The following MANEA variants were observed in gnomAD, a reference collection of about 807,000 sequenced individuals.
MANEA encodes the protein mannosidase endo-alpha.
Under a neutral mutation model 36.8 loss-of-function variants are expected in MANEA, and 25 were observed. That is an observed-to-expected ratio of 0.68 (90% CI 0.50 to 0.95). The LOEUF (loss-of-function observed/expected upper bound fraction) is 0.95, where lower values mean the gene tolerates loss of function less well. Ranked by LOEUF, MANEA falls within the 40% of genes least tolerant of loss-of-function variation. MANEA has a pLI of 0.00. For missense variants in MANEA, 565 were observed against 558.8 expected, an observed-to-expected ratio of 1.01 and a Z score of -0.11; for synonymous variants, 198 against 188.5, an observed-to-expected ratio of 1.05 and a Z score of -0.41.
chr6:95,587,073 A>T lies in MANEA; in HGVS notation c.544+90A>T. The T allele has an allele frequency of 2.7e-6, 2 of 749,738 alleles. 1 individual carries two copies. Among genetic ancestry groups the T allele is most frequent in the South Asian group, 3.5e-5 (2 of 56,720 alleles). 46.4% of individuals were successfully genotyped at this position (749,738 alleles called of 1,614,324 possible). ...TGTAACTTTACTAGTTAATTTTCTC[A>T]TTATTATTAATTATATTGTTAAGCT... On this transcript the variant is annotated intron_variant, in intron 2 of 4. Coordinates refer to ENST00000358812, the MANE Select transcript of MANEA (RefSeq NM_024641.4).
chr6:95,587,868 C>T (rs535305615), intron 2 of MANEA, among the ~76,000 whole-genome samples: 25 of 151,406 alleles, frequency 1.7e-4, no homozygotes, highest in African/African-American at 6.0e-4. Flanking sequence ...TTCTTTTTTT[C>T]CTTCTTTTTC....
chr6:95,581,002 C>T (rs1413581571), intron 1 of MANEA, among the ~76,000 whole-genome samples: 1 of 152,138 alleles, frequency 6.6e-6, no homozygotes, highest in Non-Finnish European at 1.5e-5. Context: ...TACTAAGCCA[C>T]ATGATTTTGA....
At chr6:95,589,554 C>T (rs1266740343) in intron 2 of MANEA, among the ~76,000 whole-genome samples, 2 of 151,950 alleles carry the variant, frequency 1.3e-5, no homozygotes, top group Non-Finnish European at 2.9e-5. Flanking sequence ...TGTTTAAAAT[C>T]CAATTATTAT....
At chr6:95,585,518 T>G (rs1311318870) in intron 1 of MANEA, among the ~76,000 whole-genome samples, 1 of 152,154 alleles carries the variant, frequency 6.6e-6, no homozygotes, top group Non-Finnish European at 1.5e-5. Flanking sequence ...CTCCCCGTGG[T>G]TGTCCAGGCT....
At chr6:95,588,351 C>G (rs1278444454) in intron 2 of MANEA, 1 of 151,964 alleles carries the variant, frequency 6.6e-6, no homozygotes. Flanking sequence ...GAATCTATAT[C>G]AGATATGTGC....
At position 95,609,404 on chromosome 6, in the gene MANEA, T is replaced by G. The variant is rs1433273337; in HGVS notation, c.*2999T>G. ...AATTAAAAATTACTATTTTGTTATA[T>G]GGAATGGTTAATTTTTACCTAATAA... is the stretch of plus-strand genomic sequence containing the variant. On this transcript the variant is annotated 3_prime_UTR_variant, in exon 5 of 5. Transcript: ENST00000358812. The G allele has an allele frequency of 2.0e-5, 3 of 151,740 alleles. No individual in the cohort carries two copies. The highest frequency in any genetic ancestry group is 3.0e-5 in the Non-Finnish European group (2 of 67,678). 9.4% of individuals were successfully genotyped at this position (151,740 alleles called of 1,614,324 possible).
At chr6:95,587,292 A>C in intron 2 of MANEA, 1 of 327,040 alleles carries the variant, frequency 3.1e-6, no homozygotes. Context: ...TTCCCACTTT[A>C]AGTTTATAGC....
chr6:95,597,883 C>A (rs1769509787), intron 3 of MANEA, among the ~76,000 whole-genome samples: 1 of 151,730 alleles, frequency 6.6e-6, no homozygotes, highest in African/African-American at 2.4e-5. Flanking sequence ...GGGGAAAAAA[C>A]AATAGGCAAG....
chr6:95,595,857 G>T (rs1769471485), intron 2 of MANEA, among the ~76,000 whole-genome samples: 2 of 146,900 alleles, frequency 1.4e-5, no homozygotes, highest in South Asian at 4.4e-4. Flanking sequence ...TACTATGTTA[G>T]AATCTTCTGT....
intron 1 of MANEA, among the ~76,000 whole-genome samples, chr6:95,580,881 T>C (rs1027394792): frequency 2.6e-5 from 4 of 152,132 alleles, no homozygotes; most frequent in African/African-American, 7.2e-5. Flanking sequence ...ATTTCAATAG[T>C]TGGTCATATA....
intron 3 of MANEA, among the ~76,000 whole-genome samples, chr6:95,603,945 C>A (rs118150442): frequency 0.025 from 3,833 of 151,698 alleles, 73 homozygotes; most frequent in Middle Eastern, 0.045. Flanking sequence ...GTATAGCCAA[C>A]CTTAAGTTAA....
At chr6:95,588,826 A>C (rs577191813) in intron 2 of MANEA, among the ~76,000 whole-genome samples, 57 of 151,538 alleles carry the variant, frequency 3.8e-4, no homozygotes, top group African/African-American at 1.3e-3. Context: ...GGTAAATATA[A>C]ATTTTAAATA....
In MANEA at chr6:95,607,368, T is replaced by C. The variant is rs184188832; in HGVS notation, c.*963T>C. ...CCAAATATTTTTTAGGAAAGAAAAA[T>C]GTTATTACTGTCATTAGGTTGTCTT... is the stretch of plus-strand genomic sequence containing the variant. On this transcript the variant is annotated 3_prime_UTR_variant, in exon 5 of 5. Transcript: ENST00000358812. 29 of 152,188 alleles carry C rather than the reference T, an allele frequency of 1.9e-4. No individual in the cohort carries two copies. The highest frequency in any genetic ancestry group is 3.9e-4 in the Admixed American group (6 of 15,268). The allele number at this position is 152,188 out of a possible 1,614,324, so 9.4% of individuals were successfully genotyped here.
chr6:95,602,949 A>G (rs1045230905), intron 3 of MANEA, among the ~76,000 whole-genome samples: 3 of 147,174 alleles, frequency 2.0e-5, no homozygotes, highest in Non-Finnish European at 4.5e-5. Context: ...GAACCCGGGA[A>G]GCGGAGCTTG....
At chr6:95,599,237 G>A (rs1389431513) in intron 3 of MANEA, among the ~76,000 whole-genome samples, 6 of 152,070 alleles carry the variant, frequency 3.9e-5, no homozygotes, top group African/African-American at 1.2e-4. Context: ...TTGATAAAGG[G>A]TGTCTCTTAG....
intron 2 of MANEA, among the ~76,000 whole-genome samples, chr6:95,593,153 C>T (rs1444248531): frequency 1.3e-5 from 2 of 152,172 alleles, no homozygotes; most frequent in Non-Finnish European, 2.9e-5. Flanking sequence ...AGACACTTCT[C>T]TGGTTACTAT....
chr6:95,599,990 G>C (rs1769557902), intron 3 of MANEA, among the ~76,000 whole-genome samples: 1 of 152,158 alleles, frequency 6.6e-6, no homozygotes, highest in African/African-American at 2.4e-5. Flanking sequence ...CTGCTTTTCT[G>C]TCCAGGCCCT....
Position 95,586,692 on chromosome 6 carries a change from C to T in MANEA, c.253C>T (p.Pro85Ser). 2.5e-6 allele frequency: 4 copies of T among 1,613,988 alleles called. No homozygotes were observed. Among genetic ancestry groups the T allele is most frequent in the Non-Finnish European group, 3.4e-6 (4 of 1,179,956 alleles). Residue 85 changes from proline (P) to serine (S), a missense_variant, in exon 2 of 5, where the codon CCT becomes TCT. Physicochemically the swap from Pro to Ser is moderately conservative, Grantham distance 74. Transcript: ENST00000358812. ...NLKSVEITMK[P>S]SKASELNLDE... ...AAAAAGTGTTGAAATCACTATGAAA[C>T]CTTCCAAAGCCTCTGAACTTAACTT...
rs772610838 is a variant in MANEA, at chr6:95,606,181, G to A, written c.1165G>A (p.Ala389Thr). Residue 389 changes from alanine to threonine, a missense_variant, in exon 5 of 5, where the codon GCA becomes ACA. Ala to Thr is a moderately conservative substitution (Grantham distance 58). Transcript: ENST00000358812. ...GKYYEIGLSA[A>T]LQTRPSLISI... ...GTATTATGAAATTGGTCTGAGTGCC[G>A]CACTTCAGACACGCCCCAGCTTAAT... 4.3e-6 allele frequency: 7 copies of A among 1,613,958 alleles called. No homozygotes were observed. The highest frequency in any genetic ancestry group is 1.7e-5 in the Admixed American group (1 of 60,000).
Sources: allele counts gnomAD v4.1 joint callset (sites outside exome capture counted in the v4.1 genomes callset), GRCh38; gene constraint gnomAD v4.1.1; transcripts MANE v1.5; gene names NCBI Gene and HGNC (gene_info 2026-07-23, HGNC 2026-07-21).